Variants in ARHGAP6 observed in about 807,000 individuals in gnomAD.
ARHGAP6 encodes rho GTPase-activating protein 6.
In ARHGAP6, 16 loss-of-function variants were observed where a neutral mutation model predicts 55.7. The ratio of observed to expected loss-of-function variants is 0.29; its 90% CI spans 0.19 to 0.44. The LOEUF (loss-of-function observed/expected upper bound fraction) is 0.44. Ranked by LOEUF, ARHGAP6 falls within the 20% of genes least tolerant of loss-of-function variation. The probability of loss-of-function intolerance (pLI) is 1.00; values close to 1 mark genes in which losing one functional copy is unlikely to be tolerated. For missense variants in ARHGAP6, 698 were observed against 808.9 expected (o/e 0.86, Z 1.66); for synonymous variants, 382 against 360.9 (o/e 1.06, Z -0.66).
chrX:11,166,832 C>T (rs2046023899), intron 9 of ARHGAP6, among the ~76,000 whole-genome samples: 1 of 111,562 alleles, frequency 9.0e-6, no homozygotes, highest in Non-Finnish European at 1.9e-5. Context: ...CAATATATAA[C>T]AGGGACAGGA....
intron 1 of ARHGAP6, among the ~76,000 whole-genome samples, chrX:11,652,356 T>A (rs1364812709): frequency 8.9e-6 from 1 of 112,128 alleles, no homozygotes; most frequent in Non-Finnish European, 1.9e-5. Flanking sequence ...ACTAGCCAGT[T>A]ATCCTAGCAC....
At chrX:11,190,775 C>T (rs900513551) in intron 3 of ARHGAP6, among the ~76,000 whole-genome samples, 13 of 111,267 alleles carry the variant, frequency 1.2e-4, no homozygotes, top group Non-Finnish European at 2.3e-4. Flanking sequence ...CATTTTTTTC[C>T]ATCTAAGGAA....
intron 10 of ARHGAP6, among the ~76,000 whole-genome samples, chrX:11,155,368 C>T (rs1212436392): frequency 2.7e-5 from 3 of 111,138 alleles, no homozygotes; most frequent in East Asian, 5.6e-4. Flanking sequence ...GGTGCAGTCT[C>T]GGCTCACTGC....
chrX:11,276,828 T>C (rs941109994), intron 1 of ARHGAP6, among the ~76,000 whole-genome samples: 1 of 112,540 alleles, frequency 8.9e-6, no homozygotes, highest in African/African-American at 3.2e-5. Flanking sequence ...ATGAAGCATA[T>C]TGAAATTTAC....
At chrX:11,319,946 G>T (rs778324972) in intron 1 of ARHGAP6, among the ~76,000 whole-genome samples, 25 of 111,957 alleles carry the variant, frequency 2.2e-4, no homozygotes, top group African/African-American at 7.8e-4. Context: ...CTAAACAGCT[G>T]GGGGGGAAAA....
chrX:11,314,604 C>G (rs1173814604), intron 1 of ARHGAP6, among the ~76,000 whole-genome samples: 1 of 112,242 alleles, frequency 8.9e-6, no homozygotes, highest in Non-Finnish European at 1.9e-5. Context: ...CCATCCATGT[C>G]CCTGCAAAAG....
intron 1 of ARHGAP6, among the ~76,000 whole-genome samples, chrX:11,394,676 T>C (rs2049454740): frequency 9.0e-6 from 1 of 111,423 alleles, no homozygotes; most frequent in African/African-American, 3.3e-5. Flanking sequence ...AGGACACCCA[T>C]TTAGAAAAAT....
intron 1 of ARHGAP6, among the ~76,000 whole-genome samples, chrX:11,573,169 T>G (rs1218721340): frequency 1.8e-5 from 2 of 111,061 alleles, no homozygotes; most frequent in African/African-American, 6.6e-5. Context: ...TCTTTTGCTG[T>G]GCAGAAGCTC....
chrX:11,649,826 T>C (rs1363747224), intron 1 of ARHGAP6, among the ~76,000 whole-genome samples: 1 of 111,832 alleles, frequency 8.9e-6, no homozygotes. Context: ...GAAATTATAC[T>C]AATAGAGTGT....
chrX:11,631,126 C>T (rs2052356003), intron 1 of ARHGAP6, among the ~76,000 whole-genome samples: 1 of 111,267 alleles, frequency 9.0e-6, no homozygotes, highest in Non-Finnish European at 1.9e-5. Flanking sequence ...TGGAAATCTA[C>T]AATCATTTCA....
intron 1 of ARHGAP6, among the ~76,000 whole-genome samples, chrX:11,605,343 A>G (rs1022392609): frequency 7.2e-5 from 8 of 111,521 alleles, no homozygotes; most frequent in African/African-American, 2.6e-4. Context: ...AAGCTGGCAC[A>G]CAGAGGACTG....
intron 1 of ARHGAP6, among the ~76,000 whole-genome samples, chrX:11,453,940 C>CA (rs1370572819): frequency 7.3e-5 from 8 of 110,278 alleles, no homozygotes; most frequent in African/African-American, 9.9e-5. Flanking sequence ...TCCCAGAAAC[C>CA]AAAAAAAGCT....
intron 1 of ARHGAP6, among the ~76,000 whole-genome samples, chrX:11,656,614 T>C (rs1366048712): frequency 9.0e-6 from 1 of 111,255 alleles, no homozygotes; most frequent in Non-Finnish European, 1.9e-5. Flanking sequence ...CTTCAAAATC[T>C]CTCTCATTGC....
At chrX:11,237,996 A>T (rs899916740) in intron 2 of ARHGAP6, among the ~76,000 whole-genome samples, 3 of 111,650 alleles carry the variant, frequency 2.7e-5, no homozygotes, top group Admixed American at 1.9e-4. Flanking sequence ...CACTGTTGTG[A>T]CCACACACGA....
chrX:11,417,105 T>TATATATATATAC (rs1406504776), intron 1 of ARHGAP6, among the ~76,000 whole-genome samples: 16 of 75,840 alleles, frequency 2.1e-4, no homozygotes, highest in African/African-American at 6.9e-4. Flanking sequence ...TATATATATA[T>TATATATATATAC]ACACATACAT....
intron 1 of ARHGAP6, among the ~76,000 whole-genome samples, chrX:11,653,353 G>A (rs1479090384): frequency 8.9e-6 from 1 of 111,882 alleles, no homozygotes; most frequent in Non-Finnish European, 1.9e-5. Flanking sequence ...ACAGCCTGCT[G>A]TCACTCCAAT....
intron 1 of ARHGAP6, among the ~76,000 whole-genome samples, chrX:11,529,769 T>G (rs1043858742): frequency 8.9e-6 from 1 of 111,925 alleles, no homozygotes; most frequent in East Asian, 2.8e-4. Flanking sequence ...TTTAATGATA[T>G]TTTCCCCAGT....
intron 1 of ARHGAP6, among the ~76,000 whole-genome samples, chrX:11,594,342 C>T (rs1304265537): frequency 2.7e-5 from 3 of 112,147 alleles, no homozygotes; most frequent in Admixed American, 1.9e-4. Flanking sequence ...TAAATCAATG[C>T]TTACATTATA....
intron 1 of ARHGAP6, among the ~76,000 whole-genome samples, chrX:11,538,080 T>C (rs1051613547): frequency 8.9e-6 from 1 of 112,069 alleles, no homozygotes; most frequent in African/African-American, 3.2e-5. Flanking sequence ...TTTCTCCTTG[T>C]AAATATATGC....
Sources: gnomAD v4.1 joint callset for allele counts (sites outside exome capture counted in the v4.1 genomes callset) on GRCh38, gnomAD v4.1.1 for gene constraint, MANE v1.5 for transcripts, NCBI Gene and HGNC (gene_info 2026-07-23, HGNC 2026-07-21) for gene names.